Variants in MEGF11 observed in about 807,000 individuals in gnomAD.
MEGF11 encodes the protein multiple epidermal growth factor-like domains protein 11.
Under a neutral mutation model 146.6 loss-of-function variants are expected in MEGF11, and 126 were observed. The observed-to-expected ratio is 0.86, with a 90% CI of 0.74 to 1.00. MEGF11 has a LOEUF of 1.00. Ranked by LOEUF, MEGF11 falls within the 50% of genes least tolerant of loss-of-function variation. The probability of loss-of-function intolerance (pLI) is 0.00; values close to 1 mark genes in which losing one functional copy is unlikely to be tolerated. For missense variants in MEGF11, 1,509 were observed against 1,521.2 expected (o/e 0.99, Z 0.13); for synonymous variants, 532 against 583.4 (o/e 0.91, Z 1.27).
At chr15:66,245,759 C>A (rs954896766) in intron 1 of MEGF11, among the ~76,000 whole-genome samples, 2 of 152,106 alleles carry the variant, frequency 1.3e-5, no homozygotes, top group African/African-American at 4.8e-5. Flanking sequence ...GAGACTCTAC[C>A]CCTCAGTAGA....
rs1010024505 is a variant in MEGF11, at chr15:66,250,025, A to G, written c.-9+3580T>C. Among the ~76,000 whole-genome samples the G allele has an allele frequency of 2.0e-5, 3 of 152,218 alleles. No individual in the cohort carries two copies. The South Asian group carries it at 6.2e-4, about 32-fold the overall frequency. Reference sequence around the variant, plus strand: ...TACAGATTCAGGGCTCCATTTACTCATCTGTACAATGGGGCTCCAGAGCAC... The same window carrying G: ...TACAGATTCAGGGCTCCATTTACTCGTCTGTACAATGGGGCTCCAGAGCAC... On this transcript the variant is annotated intron_variant, in intron 1 of 25. Coordinates refer to ENST00000395614, the MANE Select transcript of MEGF11 (RefSeq NM_001385028.1).
At chr15:66,228,538 G>A (rs1422754381) in intron 1 of MEGF11, among the ~76,000 whole-genome samples, 1 of 152,202 alleles carries the variant, frequency 6.6e-6, no homozygotes, top group Non-Finnish European at 1.5e-5. Flanking sequence ...CAAGAGGCCT[G>A]CAGGGCACGA....
chr15:66,099,523 T>C (rs2086699503), intron 4 of MEGF11, among the ~76,000 whole-genome samples: 1 of 152,130 alleles, frequency 6.6e-6, no homozygotes, highest in South Asian at 2.1e-4. Context: ...TGCTGATTTG[T>C]ATTCCAAGGC....
chr15:66,021,774 G>C (rs1401755896), intron 5 of MEGF11, among the ~76,000 whole-genome samples: 2 of 152,236 alleles, frequency 1.3e-5, no homozygotes, highest in Non-Finnish European at 2.9e-5. Context: ...TCTCAGGATG[G>C]GGAGGGGAGC....
chr15:65,998,839 C>T (rs1033677073), intron 5 of MEGF11, among the ~76,000 whole-genome samples: 9 of 152,136 alleles, frequency 5.9e-5, no homozygotes, highest in African/African-American at 2.2e-4. Context: ...AGGCGTGGCC[C>T]ACAGCAGCAG....
At chr15:66,085,048 G>A (rs1330979289) in intron 5 of MEGF11, among the ~76,000 whole-genome samples, 1 of 152,076 alleles carries the variant, frequency 6.6e-6, no homozygotes, top group Non-Finnish European at 1.5e-5. Flanking sequence ...GCCTCTGACT[G>A]CTGGCTTTCC....
chr15:65,912,318 G>A (rs2078838107), intron 20 of MEGF11, 118 bp from the exon 21 acceptor site: 1 of 531,416 alleles, frequency 1.9e-6, no homozygotes, highest in African/African-American at 2.0e-5. Context: ...AAACAGGCAA[G>A]TACCCCATCC....
At chr15:66,052,208 C>T (rs1486405893) in intron 5 of MEGF11, among the ~76,000 whole-genome samples, 1 of 152,194 alleles carries the variant, frequency 6.6e-6, no homozygotes, top group African/African-American at 2.4e-5. Context: ...GCAACGGGCT[C>T]ATCACTCCTC....
At chr15:66,123,708 C>T (rs1304132481) in intron 3 of MEGF11, among the ~76,000 whole-genome samples, 191 bp downstream of exon 3, 1 of 152,186 alleles carries the variant, frequency 6.6e-6, no homozygotes, top group African/African-American at 2.4e-5. Context: ...CATTAACTCT[C>T]CAGCACTGCT....
chr15:66,025,734 C>T lies in MEGF11; in HGVS notation c.395-43246G>A, dbSNP rs568733527. On this transcript the variant is annotated intron_variant, in intron 5 of 25. Coordinates refer to ENST00000395614, the MANE Select transcript of MEGF11 (RefSeq NM_001385028.1). ...TTCCCCTGTCTCTTAATTTGTTCAG[C>T]CCCCCGCCGAGGCTGAGTCTGGGCT... 2.0e-3 allele frequency among the ~76,000 whole-genome samples: 303 copies of T among 152,172 alleles called. 2 individuals carry two copies. The highest frequency in any genetic ancestry group is 1.7e-3 in the Non-Finnish European group (117 of 67,998).
chr15:65,945,648 G>A (rs1328495175), intron 10 of MEGF11, among the ~76,000 whole-genome samples: 1 of 152,188 alleles, frequency 6.6e-6, no homozygotes, highest in Admixed American at 6.5e-5. Context: ...GGAGAACAGT[G>A]ATACGGATGG....
At chr15:66,244,531 A>G (rs1293225467) in intron 1 of MEGF11, among the ~76,000 whole-genome samples, 1 of 152,074 alleles carries the variant, frequency 6.6e-6, no homozygotes, top group Non-Finnish European at 1.5e-5. Flanking sequence ...TGCAATAGAA[A>G]ACATAGAGGA....
At chr15:65,906,868 A>C (rs1281939648) in intron 23 of MEGF11, among the ~76,000 whole-genome samples, 1 of 152,072 alleles carries the variant, frequency 6.6e-6, no homozygotes, top group South Asian at 2.1e-4. Flanking sequence ...ATTTCTTTCT[A>C]CCTTTCGGCT....
At chr15:66,156,166 C>A (rs1417330146) in intron 1 of MEGF11, among the ~76,000 whole-genome samples, 1 of 152,066 alleles carries the variant, frequency 6.6e-6, no homozygotes, top group East Asian at 1.9e-4. Flanking sequence ...GGCCCCCGAA[C>A]CAACTTCCTG....
intron 2 of MEGF11, among the ~76,000 whole-genome samples, chr15:66,127,562 T>C (rs1267343984): frequency 6.6e-6 from 1 of 152,228 alleles, no homozygotes; most frequent in Non-Finnish European, 1.5e-5. Flanking sequence ...ATTCATTTGA[T>C]TTATTAACAT....
chr15:66,113,383 G>C (rs72744433), intron 4 of MEGF11, among the ~76,000 whole-genome samples: 3 of 152,330 alleles, frequency 2.0e-5, no homozygotes, highest in Non-Finnish European at 4.4e-5. Flanking sequence ...AGCCACCACT[G>C]AAAGGGCCAG....
intron 12 of MEGF11, among the ~76,000 whole-genome samples, 189 bp from the exon 13 acceptor site, chr15:65,928,716 G>A (rs1270379406): frequency 2.0e-5 from 3 of 152,056 alleles, no homozygotes; most frequent in African/African-American, 4.8e-5. Flanking sequence ...ATGGGGACAC[G>A]TTTTGTAAGT....
chr15:66,007,764 G>C (rs541229123), intron 5 of MEGF11, among the ~76,000 whole-genome samples: 1 of 152,034 alleles, frequency 6.6e-6, no homozygotes, highest in Non-Finnish European at 1.5e-5. Flanking sequence ...GAAAAGAAAA[G>C]AAAAGAAAAG....
chr15:66,079,292 G>C (rs912913304), intron 5 of MEGF11, among the ~76,000 whole-genome samples: 1 of 152,178 alleles, frequency 6.6e-6, no homozygotes, highest in Non-Finnish European at 1.5e-5. Context: ...CTCCTTTCCT[G>C]GTGGGCATCT....
Sources: gnomAD v4.1 joint callset for allele counts (sites outside exome capture counted in the v4.1 genomes callset) on GRCh38, gnomAD v4.1.1 for gene constraint, MANE v1.5 for transcripts, NCBI Gene and HGNC (gene_info 2026-07-23, HGNC 2026-07-21) for gene names.